IL1RAPL1: variants seen among roughly 807,000 people sequenced by gnomAD.
IL1RAPL1 encodes interleukin-1 receptor accessory protein-like 1.
Under a neutral mutation model 48.4 loss-of-function variants are expected in IL1RAPL1, and 3 were observed. That is an observed-to-expected ratio of 0.06 (90% CI 0.03 to 0.16). The LOEUF (loss-of-function observed/expected upper bound fraction) is 0.16. Among genes scored for constraint, IL1RAPL1 ranks in the 10% least tolerant of loss-of-function variants. The pLI is 1.00. For synonymous variants in IL1RAPL1, 185 were observed against 187.7 expected, an observed-to-expected ratio of 0.99 and a Z score of 0.12; for missense variants, 349 against 530.6, an observed-to-expected ratio of 0.66 and a Z score of 3.36.
intron 3 of IL1RAPL1, among the ~76,000 whole-genome samples, chrX:29,305,798 A>C (rs958464223): frequency 8.0e-5 from 9 of 112,008 alleles, no homozygotes; most frequent in African/African-American, 2.9e-4. Flanking sequence ...TGAGTATGGA[A>C]ATATTGCATC....
intron 1 of IL1RAPL1, among the ~76,000 whole-genome samples, chrX:28,683,550 G>A (rs1379286375): frequency 9.0e-6 from 1 of 111,539 alleles, no homozygotes; most frequent in East Asian, 2.8e-4. Flanking sequence ...CGGGCTAGAA[G>A]CCAACTGTGC....
Position 29,862,969 on chromosome X carries a change from T to TAA in IL1RAPL1, c.779-54476_779-54475dup, listed in dbSNP as rs1206630965. Among the ~76,000 whole-genome samples, 314 of 61,525 alleles carry TAA rather than the reference T, an allele frequency of 5.1e-3. 2 individuals are homozygous for TAA. The highest frequency in any genetic ancestry group is 0.016 in the African/African-American group (285 of 17,282). 53.4% of individuals were successfully genotyped at this position (61,525 alleles called of 115,157 possible). A position where few individuals can be genotyped will look rare whatever the true frequency, so the allele number is the denominator to read the frequency against. ...ATACCGAAAAGAGTCTTGGCATACT[T>TAA]AAAAAAAAAAAAAAAAAAAAGGCTA... On this transcript the variant is annotated intron_variant, in intron 6 of 10. Coordinates refer to ENST00000378993, the MANE Select transcript of IL1RAPL1 (RefSeq NM_014271.4).
At chrX:28,981,217 A>C (rs1384542777) in intron 2 of IL1RAPL1, among the ~76,000 whole-genome samples, 1 of 107,219 alleles carries the variant, frequency 9.3e-6, no homozygotes, top group African/African-American at 3.4e-5. Flanking sequence ...CCTTGATAAG[A>C]GGTCAGGTGC....
chrX:28,874,089 A>G lies in IL1RAPL1; in HGVS notation c.82+84664A>G, dbSNP rs754589940. On this transcript the variant is annotated intron_variant, in intron 2 of 10. Coordinates refer to ENST00000378993, the MANE Select transcript of IL1RAPL1 (RefSeq NM_014271.4). ...TGAACATTTGAGGGAGAAGAACTCA[A>G]TAATCAAGGGCCAAGTGACATAGCA... Among the ~76,000 whole-genome samples, 3 of 111,523 alleles carry G rather than the reference A, an allele frequency of 2.7e-5. No homozygotes were observed. In the East Asian group the frequency reaches 8.5e-4, roughly 32 times the overall value.
At chrX:29,490,705 G>C (rs540905197) in intron 5 of IL1RAPL1, among the ~76,000 whole-genome samples, 2 of 108,478 alleles carry the variant, frequency 1.8e-5, no homozygotes, top group African/African-American at 6.9e-5. Context: ...TAATATATTG[G>C]CATTTCCTTT....
intron 5 of IL1RAPL1, among the ~76,000 whole-genome samples, chrX:29,473,370 A>G (rs972339152): frequency 8.1e-5 from 9 of 111,145 alleles, no homozygotes; most frequent in Non-Finnish European, 1.5e-4. Flanking sequence ...GCTGCAATAT[A>G]TAAATTTGAG....
At position 29,217,169 on chromosome X, in the gene IL1RAPL1, C is replaced by T. The variant is rs1930885142; in HGVS notation, c.83-65769C>T. On this transcript the variant is annotated intron_variant, in intron 2 of 10. Coordinates refer to ENST00000378993, the MANE Select transcript of IL1RAPL1 (RefSeq NM_014271.4). ...GTTGTTTATCGCCCATGATGGACTG[C>T]CCTTTTCAACAAACCTGTGATACAT... 2.7e-5 allele frequency among the ~76,000 whole-genome samples: 3 copies of T among 112,069 alleles called. No individual in the cohort carries two copies. In the Admixed American group the frequency reaches 2.8e-4, roughly 11 times the overall value.
rs771425443 is a variant in IL1RAPL1, at chrX:28,673,386, A to G, written c.-25+85339A>G. 1.4e-4 allele frequency among the ~76,000 whole-genome samples: 16 copies of G among 112,354 alleles called. No homozygotes were observed. The South Asian group carries it at 5.5e-3, about 39-fold the overall frequency. ...ACTTAAGTGTAAAACCCAAAACTAT[A>G]AAAACCCTGGAAGACAACCTAGGCA... On this transcript the variant is annotated intron_variant, in intron 1 of 10. Coordinates refer to ENST00000378993, the MANE Select transcript of IL1RAPL1 (RefSeq NM_014271.4).
intron 2 of IL1RAPL1, among the ~76,000 whole-genome samples, chrX:29,129,049 T>C: frequency 1.0e-5 from 1 of 100,177 alleles, no homozygotes; most frequent in African/African-American, 3.7e-5. Flanking sequence ...CTTTTTTTTT[T>C]TTTTTTTTTT....
At chrX:28,609,259 G>A (rs1211968967) in intron 1 of IL1RAPL1, among the ~76,000 whole-genome samples, 1 of 111,120 alleles carries the variant, frequency 9.0e-6, no homozygotes, top group Non-Finnish European at 1.9e-5. Flanking sequence ...ATATCCCTTT[G>A]AGAGGCGTAT....
At chrX:29,812,553 T>C (rs1230822681) in intron 6 of IL1RAPL1, among the ~76,000 whole-genome samples, 2 of 111,322 alleles carry the variant, frequency 1.8e-5, no homozygotes, top group African/African-American at 6.5e-5. Context: ...TGTTCATCAT[T>C]AACGTTCTGC....
chrX:29,718,889 C>T (rs1348798130), intron 6 of IL1RAPL1, among the ~76,000 whole-genome samples: 1 of 111,578 alleles, frequency 9.0e-6, no homozygotes, highest in Non-Finnish European at 1.9e-5. Flanking sequence ...GTTATACCCC[C>T]AAATGAATGA....
At chrX:29,633,489 A>T (rs1924858947) in intron 5 of IL1RAPL1, among the ~76,000 whole-genome samples, 1 of 109,868 alleles carries the variant, frequency 9.1e-6, no homozygotes, top group Admixed American at 9.8e-5. Flanking sequence ...ACACACACAC[A>T]CACACACACA....
intron 2 of IL1RAPL1, among the ~76,000 whole-genome samples, chrX:28,867,650 C>G (rs1048517042): frequency 4.9e-4 from 55 of 111,975 alleles, no homozygotes; most frequent in African/African-American, 1.7e-3. Flanking sequence ...AGGTGGTTAG[C>G]AGCAAGACTC....
intron 2 of IL1RAPL1, among the ~76,000 whole-genome samples, chrX:28,874,819 T>G (rs372819372): frequency 5.3e-5 from 6 of 112,326 alleles, no homozygotes; most frequent in African/African-American, 1.9e-4. Context: ...TTACATTTGC[T>G]TTTCTGATAC....
At chrX:29,666,109 T>C (rs1296820156) in intron 5 of IL1RAPL1, among the ~76,000 whole-genome samples, 1 of 111,258 alleles carries the variant, frequency 9.0e-6, no homozygotes, top group African/African-American at 3.2e-5. Context: ...GTTATTAATA[T>C]TTTTTATTAA....
At chrX:28,629,418 G>A (rs888778955) in intron 1 of IL1RAPL1, among the ~76,000 whole-genome samples, 2 of 111,518 alleles carry the variant, frequency 1.8e-5, no homozygotes, top group African/African-American at 6.5e-5. Flanking sequence ...CATCACTGGG[G>A]GACCTTACTA....
chrX:29,036,637 T>C (rs1219782873), intron 2 of IL1RAPL1, among the ~76,000 whole-genome samples: 1 of 112,252 alleles, frequency 8.9e-6, no homozygotes, highest in Admixed American at 9.5e-5. Context: ...ATTTATTTAC[T>C]TTTATCTTTG....
chrX:29,013,098 T>C (rs962694767), intron 2 of IL1RAPL1, among the ~76,000 whole-genome samples: 3 of 110,209 alleles, frequency 2.7e-5, no homozygotes, highest in African/African-American at 9.9e-5. Context: ...GAAACAAACA[T>C]GTGAGAAAAG....
Sources: gnomAD v4.1 joint callset for allele counts (sites outside exome capture counted in the v4.1 genomes callset) on GRCh38, gnomAD v4.1.1 for gene constraint, MANE v1.5 for transcripts, NCBI Gene and HGNC (gene_info 2026-07-23, HGNC 2026-07-21) for gene names.